Variants in ETV3 observed in about 807,000 individuals in gnomAD.
ETV3 encodes ETS variant transcription factor 3, also known as ETS translocation variant 3.
Under a neutral mutation model 33.0 loss-of-function variants are expected in ETV3, and 8 were observed. The ratio of observed to expected loss-of-function variants is 0.24; its 90% CI spans 0.14 to 0.44. The LOEUF is 0.44. Among genes scored for constraint, ETV3 ranks in the 20% least tolerant of loss-of-function variants. The probability of loss-of-function intolerance (pLI) is 1.00; values close to 1 mark genes in which losing one functional copy is unlikely to be tolerated. For synonymous variants in ETV3, 222 were observed against 238.9 expected, an observed-to-expected ratio of 0.93 and a Z score of 0.65; for missense variants, 473 against 652.3, an observed-to-expected ratio of 0.73 and a Z score of 2.99.
chr1:157,138,109 G>A (rs576977563), intron 1 of ETV3, among the ~76,000 whole-genome samples: 39 of 152,266 alleles, frequency 2.6e-4, no homozygotes, highest in African/African-American at 8.9e-4. Context: ...AGGGCTGCGC[G>A]GGGCCACCGC....
intron 4 of ETV3, 36 bp from the exon 5 acceptor site, chr1:157,126,015 G>C (rs1310974688): frequency 6.7e-7 from 1 of 1,484,496 alleles, no homozygotes; most frequent in Non-Finnish European, 8.9e-7. Flanking sequence ...CTGCATCAGA[G>C]GACTGCTCAT....
At chr1:157,133,441 C>A in intron 4 of ETV3, 1 of 985,558 alleles carries the variant, frequency 1.0e-6, no homozygotes, top group Non-Finnish European at 1.2e-6. Flanking sequence ...CAAAAAACCA[C>A]ACAACAACAA....
intron 1 of ETV3, 90 bp from the exon 2 acceptor site, chr1:157,136,455 T>C: frequency 8.4e-7 from 1 of 1,189,146 alleles, no homozygotes; most frequent in East Asian, 2.6e-5. Context: ...CCAAACTTCC[T>C]TTCCCCTGTT....
At chr1:157,135,776 T>C in intron 2 of ETV3, 68 bp from the exon 3 acceptor site, 1 of 1,446,202 alleles carries the variant, frequency 6.9e-7, no homozygotes, top group Non-Finnish European at 9.6e-7. Context: ...CAACCCCAAC[T>C]GCACATTCCA....
At position 157,125,324 on chromosome 1, in the gene ETV3, C is replaced by A; in HGVS notation, c.1056G>T (p.Gly352=). 1.9e-6 allele frequency: 3 copies of A among 1,552,000 alleles called. No individual in the cohort carries two copies. Among genetic ancestry groups the A allele is most frequent in the Non-Finnish European group, 2.6e-6 (3 of 1,147,074 alleles). ...FSIKLQPPPV[G]RKNRERVESS... is the part of the protein sequence containing the mutation. The stretch of plus-strand genomic sequence containing the variant: ...TCTCAACCCTCTCCCGGTTCTTCCG[C>A]CCAACTGGTGGGGGCTGCAGCTTGA... The change falls in exon 5 of 5, where the codon GGG becomes GGT. Residue 352 remains glycine (G), a synonymous_variant. Coordinates refer to ENST00000368192, the MANE Select transcript of ETV3 (RefSeq NM_001145312.3). This position sits in a 1 kb window ranked among gnomAD's most constrained non-coding sequence, Gnocchi z 4.0.
Position 157,125,998 on chromosome 1 carries a change from C to A in ETV3, c.401-19G>T. Reference sequence around the variant, plus strand: ...ACCACACCTGTGATGGTGGAAAATACAAAAGCCTGCATCAGAGGACTGCTC... The same window carrying A: ...ACCACACCTGTGATGGTGGAAAATAAAAAAGCCTGCATCAGAGGACTGCTC... On this transcript the variant is annotated intron_variant, in intron 4 of 4. Coordinates refer to ENST00000368192, the MANE Select transcript of ETV3 (RefSeq NM_001145312.3). The surrounding 1 kb of genome is among the most constrained non-coding windows in gnomAD (Gnocchi z 4.0). The A allele has an allele frequency of 6.6e-7, 1 of 1,518,044 alleles. No individual in the cohort carries two copies. The highest frequency in any genetic ancestry group is 8.8e-7 in the Non-Finnish European group (1 of 1,133,326). The allele number at this position is 1,518,044 out of a possible 1,614,324, so 94.0% of individuals were successfully genotyped here.
intron 4 of ETV3, among the ~76,000 whole-genome samples, chr1:157,132,024 A>T (rs1327201904): frequency 6.6e-6 from 1 of 152,198 alleles, no homozygotes; most frequent in African/African-American, 2.4e-5. Context: ...GTGTAGTGGC[A>T]TGATCTCAGC....
In ETV3 at chr1:157,134,032, A is replaced by G. The variant is rs1351064729; in HGVS notation, c.400+80T>C. The G allele has an allele frequency of 4.5e-6, 7 of 1,567,316 alleles. No individual in the cohort carries two copies. In the Admixed American group the frequency reaches 7.8e-5, roughly 17 times the overall value. On this transcript the variant is annotated intron_variant, in intron 4 of 4. Coordinates refer to ENST00000368192, the MANE Select transcript of ETV3 (RefSeq NM_001145312.3). ...TAGTGTTTCTAAAATCTTCCTAAAC[A>G]TGCCATGTCTTAGATTTGGATTTTT...
chr1:157,129,829 T>C (rs887605656), intron 4 of ETV3, among the ~76,000 whole-genome samples: 4 of 152,186 alleles, frequency 2.6e-5, no homozygotes, highest in Non-Finnish European at 5.9e-5. Flanking sequence ...TTAGAAATGC[T>C]TGGTTAAATC....
At chr1:157,133,732 A>G in intron 4 of ETV3, 1 of 1,006,664 alleles carries the variant, frequency 9.9e-7, no homozygotes, top group Non-Finnish European at 1.2e-6. Flanking sequence ...GAAAATCGGA[A>G]GTGTTTGTAG....
chr1:157,128,447 C>T (rs1394728348), intron 4 of ETV3: 5 of 331,386 alleles, frequency 1.5e-5, no homozygotes, highest in Non-Finnish European at 3.1e-5. Context: ...AAGCACGAGA[C>T]TGGGCCTAAT....
Position 157,134,246 on chromosome 1 carries a change from A to G in ETV3, c.285-19T>C, listed in dbSNP as rs200533472. On this transcript the variant is annotated intron_variant, in intron 3 of 4. Transcript: ENST00000368192. The stretch of plus-strand genomic sequence containing the variant: ...ATAGTATCTGTAAAAACAGGAATAC[A>G]TGTCCATTCGTCTTGTAGCTACTGA... The G allele has an allele frequency of 3.1e-4, 494 of 1,609,118 alleles. No individual in the cohort carries two copies. Among genetic ancestry groups the G allele is most frequent in the Non-Finnish European group, 4.0e-4 (476 of 1,178,308 alleles).
chr1:157,129,154 G>T (rs1445863734), intron 4 of ETV3, among the ~76,000 whole-genome samples: 1 of 152,106 alleles, frequency 6.6e-6, no homozygotes, highest in Non-Finnish European at 1.5e-5. Context: ...TTATATTTTT[G>T]GTTTTAACAA....
chr1:157,134,043 T>C lies in ETV3; in HGVS notation c.400+69A>G, dbSNP rs1436980959. The C allele has an allele frequency of 1.9e-6, 3 of 1,582,654 alleles. No individual in the cohort carries two copies. The South Asian group carries it at 3.5e-5, about 19-fold the overall frequency. On this transcript the variant is annotated intron_variant, in intron 4 of 4. Transcript: ENST00000368192. The stretch of plus-strand genomic sequence containing the variant: ...AAATCTTCCTAAACATGCCATGTCT[T>C]AGATTTGGATTTTTAAAAATTCTTT...
At chr1:157,126,472 T>C (rs1243909764) in intron 4 of ETV3, among the ~76,000 whole-genome samples, 1 of 152,234 alleles carries the variant, frequency 6.6e-6, no homozygotes, top group Non-Finnish European at 1.5e-5. Context: ...TATATTCGTG[T>C]GTGTGTGTGA....
intron 1 of ETV3, among the ~76,000 whole-genome samples, chr1:157,137,659 G>A (rs1285951327): frequency 6.6e-6 from 1 of 151,938 alleles, no homozygotes; most frequent in Non-Finnish European, 1.5e-5. Context: ...GCTCCAGGAA[G>A]CTGCCCTGGA....
In ETV3 at chr1:157,125,363, T is replaced by C. The variant is rs1427938789; in HGVS notation, c.1017A>G (p.Ser339=). Reference sequence around the variant, plus strand: ...GCTGCAGCTTGATGGAGAACTGAGTTGACTCCTCAGGATGCATTTGGCACT... The same window carrying C: ...GCTGCAGCTTGATGGAGAACTGAGTCGACTCCTCAGGATGCATTTGGCACT... ...PLQCQMHPEE[S]TQFSIKLQPP... is the part of the protein sequence containing the mutation. Residue 339 remains serine, a synonymous_variant, in exon 5 of 5, where the codon TCA becomes TCG. Transcript: ENST00000368192. The surrounding 1 kb of genome is among the most constrained non-coding windows in gnomAD (Gnocchi z 4.0). 1.3e-6 allele frequency: 2 copies of C among 1,552,010 alleles called. No homozygotes were observed. Among genetic ancestry groups the C allele is most frequent in the Non-Finnish European group, 1.7e-6 (2 of 1,147,064 alleles).
rs35538516 is a variant in ETV3 at position 157,123,857 on chromosome 1, AC to A, written c.*983del. ...TAAGAGAACCAGACATAATGGAAAGACCTCTTCAATAATGTTGTCATGCCTC... is the reference window on the plus strand; with the variant it reads ...TAAGAGAACCAGACATAATGGAAAGACTCTTCAATAATGTTGTCATGCCTC... On this transcript the variant is annotated 3_prime_UTR_variant, in exon 5 of 5. Transcript: ENST00000368192. The A allele has an allele frequency of 0.14, 21,524 of 152,092 alleles. 1,635 individuals carry two copies. The highest frequency in any genetic ancestry group is 0.21 in the South Asian group (1,025 of 4,816). The allele number at this position is 152,092 out of a possible 1,614,324, so 9.4% of individuals were successfully genotyped here.
At chr1:157,134,712 T>C (rs1015663971) in intron 3 of ETV3, among the ~76,000 whole-genome samples, 1 of 152,228 alleles carries the variant, frequency 6.6e-6, no homozygotes, top group Non-Finnish European at 1.5e-5. Context: ...AACAATGGCA[T>C]GCCCTGATCT....
Sources: allele counts gnomAD v4.1 joint callset (sites outside exome capture counted in the v4.1 genomes callset), GRCh38; gene constraint gnomAD v4.1.1; non-coding constraint Gnocchi (gnomAD v3.1); transcripts MANE v1.5; gene names NCBI Gene and HGNC (gene_info 2026-07-23, HGNC 2026-07-21).